The following RAB33B variants were observed in gnomAD, a reference collection of about 807,000 sequenced individuals.
RAB33B encodes ras-related protein Rab-33B.
RAB33B carries 6 observed loss-of-function variants against 15.0 expected under a neutral mutation model. The ratio of observed to expected loss-of-function variants is 0.40; its 90% CI spans 0.22 to 0.79. The LOEUF (loss-of-function observed/expected upper bound fraction) is 0.79. RAB33B is among the 30% of genes least tolerant of loss of function. The pLI, the probability that RAB33B is intolerant of heterozygous loss-of-function variation, is 0.37. For missense variants in RAB33B, 257 were observed against 296.4 expected (o/e 0.87, Z 0.98); for synonymous variants, 117 against 108.3 (o/e 1.08, Z -0.50).
At chr4:139,471,665 C>T (rs1183089691) in intron 1 of RAB33B, among the ~76,000 whole-genome samples, 4 of 152,074 alleles carry the variant, frequency 2.6e-5, no homozygotes, top group African/African-American at 9.7e-5. Flanking sequence ...TCTTAAACTC[C>T]TGGGTTCAAG....
At chr4:139,445,830 T>C in the RAB33B span, among the ~76,000 whole-genome samples, 1 of 152,146 alleles carries the variant, frequency 6.6e-6, no homozygotes, top group South Asian at 2.1e-4. Context: ...TTTGGAGCCT[T>C]TGGCAGTCCC....
the RAB33B span, among the ~76,000 whole-genome samples, chr4:139,443,383 T>C: frequency 6.6e-6 from 1 of 152,322 alleles, no homozygotes; most frequent in Non-Finnish European, 1.5e-5. Flanking sequence ...AGTGACTCTA[T>C]ACATAATACC....
At chr4:139,459,296 G>C (rs1561003601) in intron 1 of RAB33B, among the ~76,000 whole-genome samples, 2 of 152,048 alleles carry the variant, frequency 1.3e-5, no homozygotes, top group Non-Finnish European at 2.9e-5. Flanking sequence ...AATCAGCCAA[G>C]TACGGTGGCA....
At chr4:139,455,132 C>CT (rs1220567879) in intron 1 of RAB33B, among the ~76,000 whole-genome samples, 2 of 152,132 alleles carry the variant, frequency 1.3e-5, no homozygotes, top group African/African-American at 4.8e-5. Context: ...GTCCCTGGGA[C>CT]TGGGGACACT....
At position 139,473,758 on chromosome 4, in the gene RAB33B, A is replaced by G. The variant is rs886059080; in HGVS notation, c.*632A>G. On this transcript the variant is annotated 3_prime_UTR_variant, in exon 2 of 2. Coordinates refer to ENST00000305626, the MANE Select transcript of RAB33B (RefSeq NM_031296.3). ...GCCAAGACTTTAGTTCCAGTGGGAT[A>G]AGAAGGCATAGAATGTTTTCTGGTT... 1.3e-5 allele frequency: 2 copies of G among 152,188 alleles called. No homozygotes were observed. The highest frequency in any genetic ancestry group is 2.1e-4 in the South Asian group (1 of 4,828). 9.4% of individuals were successfully genotyped at this position (152,188 alleles called of 1,614,324 possible).
intron 1 of RAB33B, among the ~76,000 whole-genome samples, chr4:139,467,605 C>G (rs954384047): frequency 1.6e-4 from 24 of 151,520 alleles, no homozygotes; most frequent in African/African-American, 4.4e-4. Context: ...GCCTGTAATC[C>G]CAGCACTTTG....
At chr4:139,456,520 A>G (rs1163435211) in intron 1 of RAB33B, among the ~76,000 whole-genome samples, 4 of 152,208 alleles carry the variant, frequency 2.6e-5, no homozygotes, top group Non-Finnish European at 5.9e-5. Context: ...GATAAATAAG[A>G]CAGAACCACA....
rs1304153940 is a variant in RAB33B, at chr4:139,475,470, ATT to A, written c.*2346_*2347del. The A allele has an allele frequency of 6.6e-6, 1 of 151,920 alleles. No homozygotes were observed. The highest frequency in any genetic ancestry group is 2.4e-5 in the African/African-American group (1 of 41,452). The allele number at this position is 151,920 out of a possible 1,614,324, so 9.4% of individuals were successfully genotyped here. A position where few individuals can be genotyped will look rare whatever the true frequency, so the allele number is the denominator to read the frequency against. The stretch of plus-strand genomic sequence containing the variant: ...AAATATTTGTATCTCATTTGTAACA[ATT>A]TGTTTTAATTTTTTATATATATGTT... On this transcript the variant is annotated 3_prime_UTR_variant, in exon 2 of 2. Coordinates refer to ENST00000305626, the MANE Select transcript of RAB33B (RefSeq NM_031296.3).
chr4:139,461,818 C>T (rs930521036), intron 1 of RAB33B, among the ~76,000 whole-genome samples: 9 of 151,934 alleles, frequency 5.9e-5, no homozygotes, highest in Admixed American at 3.9e-4. Flanking sequence ...CGCCTGTCAT[C>T]GCTTGAACCT....
chr4:139,449,483 G>A (rs1458104627), upstream of RAB33B: 2 of 152,074 alleles, frequency 1.3e-5, no homozygotes, highest in Non-Finnish European at 1.5e-5. Context: ...TTAGTGGGCT[G>A]GGAAAGGCAG....
At chr4:139,444,859 A>G in the RAB33B span, among the ~76,000 whole-genome samples, 5 of 152,318 alleles carry the variant, frequency 3.3e-5, no homozygotes, top group Admixed American at 1.3e-4. Context: ...TATGGTGGAA[A>G]AAGCCAAATG....
the RAB33B span, among the ~76,000 whole-genome samples, chr4:139,444,188 G>C: frequency 9.2e-5 from 14 of 152,188 alleles, no homozygotes; most frequent in Non-Finnish European, 2.9e-5. Flanking sequence ...TGGGGATTCT[G>C]CATTTAATGT....
the RAB33B span, among the ~76,000 whole-genome samples, chr4:139,442,626 A>C: frequency 1.5e-4 from 23 of 152,286 alleles, no homozygotes; most frequent in South Asian, 4.6e-3. Context: ...CTCCCAGCCT[A>C]TACCTTTCTC....
Position 139,474,495 on chromosome 4 carries a change from A to G in RAB33B, c.*1369A>G, listed in dbSNP as rs1456872035. ...TAATGACTAAATGCCAAGTTAACAA[A>G]TCAACTTCCATTTGGATTGTAGGTG... is the stretch of plus-strand genomic sequence containing the variant. On this transcript the variant is annotated 3_prime_UTR_variant, in exon 2 of 2. Coordinates refer to ENST00000305626, the MANE Select transcript of RAB33B (RefSeq NM_031296.3). 1.3e-5 allele frequency: 2 copies of G among 152,476 alleles called. No homozygotes were observed. Among genetic ancestry groups the G allele is most frequent in the Non-Finnish European group, 2.9e-5 (2 of 68,042 alleles). The allele number at this position is 152,476 out of a possible 1,614,324, so 9.4% of individuals were successfully genotyped here.
the RAB33B span, among the ~76,000 whole-genome samples, chr4:139,447,272 A>C: frequency 6.6e-6 from 1 of 152,220 alleles, no homozygotes; most frequent in African/African-American, 2.4e-5. Flanking sequence ...AACACTTTGC[A>C]GGCCTGGGGC....
At chr4:139,454,833 G>A (rs1401932636) in intron 1 of RAB33B, among the ~76,000 whole-genome samples, 1 of 152,160 alleles carries the variant, frequency 6.6e-6, no homozygotes, top group Non-Finnish European at 1.5e-5. Flanking sequence ...GTGAAATTGC[G>A]CGAGAATGGA....
intron 1 of RAB33B, among the ~76,000 whole-genome samples, chr4:139,468,990 C>A (rs1229232058): frequency 6.6e-6 from 1 of 152,102 alleles, no homozygotes; most frequent in Non-Finnish European, 1.5e-5. Context: ...AGGATCCTTT[C>A]TTTATTCTTG....
the RAB33B span, among the ~76,000 whole-genome samples, chr4:139,442,269 T>C: frequency 6.6e-6 from 1 of 152,248 alleles, no homozygotes; most frequent in Non-Finnish European, 1.5e-5. Context: ...AAGTTTAATA[T>C]AGCTGTTAAA....
chr4:139,460,192 G>A (rs372586081), intron 1 of RAB33B, among the ~76,000 whole-genome samples: 5 of 152,320 alleles, frequency 3.3e-5, no homozygotes, highest in African/African-American at 7.2e-5. Context: ...GGGGGACTAC[G>A]TGGAAGATTG....
Sources: gnomAD v4.1 joint callset for allele counts (sites outside exome capture counted in the v4.1 genomes callset) on GRCh38, gnomAD v4.1.1 for gene constraint, MANE v1.5 for transcripts, NCBI Gene and HGNC (gene_info 2026-07-23, HGNC 2026-07-21) for gene names.